TRHDE: variants seen among roughly 807,000 people sequenced by gnomAD.
TRHDE encodes the protein thyrotropin-releasing hormone-degrading ectoenzyme.
TRHDE carries 72 observed loss-of-function variants against 125.7 expected under a neutral mutation model. The ratio of observed to expected loss-of-function variants is 0.57; its 90% CI spans 0.47 to 0.70. The LOEUF is 0.70. Among genes scored for constraint, TRHDE ranks in the 30% least tolerant of loss-of-function variants. The pLI is 0.00. For synonymous variants in TRHDE, 509 were observed against 509.1 expected, an observed-to-expected ratio of 1.00 and a Z score of 0.00; for missense variants, 1,110 against 1,327.1, an observed-to-expected ratio of 0.84 and a Z score of 2.54.
chr12:72,204,895 G>A (rs145227644), intron 2 of TRHDE, among the ~76,000 whole-genome samples: 11 of 152,190 alleles, frequency 7.2e-5, no homozygotes, highest in Non-Finnish European at 1.3e-4. Flanking sequence ...AAGTTTAAAG[G>A]CAAAAAGGTC....
intron 3 of TRHDE, among the ~76,000 whole-genome samples, chr12:72,452,842 CA>C (rs1875647532): frequency 6.6e-6 from 1 of 152,086 alleles, no homozygotes; most frequent in African/African-American, 2.4e-5. Context: ...CCCCCTTTGC[CA>C]TGATTGTAAT....
At chr12:72,347,059 A>G (rs1395777123) in intron 2 of TRHDE, among the ~76,000 whole-genome samples, 2 of 152,102 alleles carry the variant, frequency 1.3e-5, no homozygotes. Flanking sequence ...ATACTGGATT[A>G]GGGGCCCAGC....
At chr12:72,553,720 C>G (rs1393116721) in intron 7 of TRHDE, among the ~76,000 whole-genome samples, 1 of 151,968 alleles carries the variant, frequency 6.6e-6, no homozygotes, top group African/African-American at 2.4e-5. Context: ...TTTTCTTTTT[C>G]TACCGCTCCA....
At chr12:72,237,609 G>A (rs1486962697) in intron 2 of TRHDE, among the ~76,000 whole-genome samples, 1 of 152,102 alleles carries the variant, frequency 6.6e-6, no homozygotes, top group Non-Finnish European at 1.5e-5. Context: ...GAGATCTGAT[G>A]GTTTAAAAAT....
chr12:72,492,209 C>T (rs569199226), intron 5 of TRHDE, among the ~76,000 whole-genome samples: 2 of 151,956 alleles, frequency 1.3e-5, no homozygotes, highest in African/African-American at 4.8e-5. Context: ...ATGGAAGCAA[C>T]ATTTATTTTC....
At chr12:72,458,809 G>T (rs1159858911) in intron 3 of TRHDE, among the ~76,000 whole-genome samples, 1 of 152,036 alleles carries the variant, frequency 6.6e-6, no homozygotes, top group Non-Finnish European at 1.5e-5. Context: ...TGACTCAACA[G>T]ATCCCATAAT....
Position 72,132,886 on chromosome 12 carries a change from C to T in TRHDE, n.279+27134C>T, listed in dbSNP as rs539670633. On this transcript the variant is annotated intron_variant and non_coding_transcript_variant, in intron 2 of 4. Transcript: ENST00000548156. ...AAGTGAAATTTTGTAGAAAAGGGGA[C>T]CTGCGACCTGGATCTTGATGAGGAG... Among the ~76,000 whole-genome samples the T allele has an allele frequency of 3.3e-5, 5 of 151,922 alleles. No individual in the cohort carries two copies. The South Asian group carries it at 8.3e-4, about 25-fold the overall frequency.
chr12:72,385,168 ATAGTTTGG>A (rs1482372262), intron 3 of TRHDE, among the ~76,000 whole-genome samples: 1 of 152,088 alleles, frequency 6.6e-6, no homozygotes, highest in African/African-American at 2.4e-5. Context: ...TTCTTTATAT[ATAGTTTGG>A]TAGTTTGGTC....
intron 1 of TRHDE, among the ~76,000 whole-genome samples, chr12:72,098,909 T>C (rs1405285075): frequency 1.3e-5 from 2 of 152,202 alleles, no homozygotes; most frequent in East Asian, 3.9e-4. Context: ...CTCACGTCTG[T>C]AATTCTAGCA....
upstream of TRHDE, among the ~76,000 whole-genome samples, chr12:72,270,084 C>T (rs545398471): frequency 6.6e-6 from 1 of 152,276 alleles, no homozygotes; most frequent in Admixed American, 6.5e-5. Context: ...GATCGCAGGG[C>T]TCCTCTTACT....
At chr12:72,158,736 G>C (rs1414442644) in intron 2 of TRHDE, among the ~76,000 whole-genome samples, 1 of 152,052 alleles carries the variant, frequency 6.6e-6, no homozygotes, top group African/African-American at 2.4e-5. Context: ...CCTCTGTTCT[G>C]TTTTGTTGGA....
At chr12:72,638,668 C>T (rs1873881656) in intron 15 of TRHDE, among the ~76,000 whole-genome samples, 1 of 151,880 alleles carries the variant, frequency 6.6e-6, no homozygotes, top group Non-Finnish European at 1.5e-5. Flanking sequence ...ATGTTTAGTG[C>T]TTCCTTCAGG....
intron 15 of TRHDE, among the ~76,000 whole-genome samples, chr12:72,639,799 C>A (rs964286520): frequency 2.0e-4 from 31 of 152,114 alleles, no homozygotes; most frequent in African/African-American, 7.5e-4. Context: ...GGGGTGCCTC[C>A]CATTTAGGCT....
At chr12:72,129,990 T>G (rs749032397) in intron 2 of TRHDE, among the ~76,000 whole-genome samples, 11 of 152,226 alleles carry the variant, frequency 7.2e-5, no homozygotes, top group Admixed American at 5.2e-4. Flanking sequence ...GATATAGTCA[T>G]TGTTAGAACA....
In TRHDE at chr12:72,273,647, T is replaced by C; in HGVS notation, c.914+90T>C. 1 of 1,309,328 alleles carries C rather than the reference T, an allele frequency of 7.6e-7. No individual in the cohort carries two copies. The highest frequency in any genetic ancestry group is 1.5e-5 in the African/African-American group (1 of 68,012). The allele number at this position is 1,309,328 out of a possible 1,614,324, so 81.1% of individuals were successfully genotyped here. The stretch of plus-strand genomic sequence containing the variant: ...CTGCGACCCCGGGGACCCAGCTGGC[T>C]TCCAATACCCGGGAAGCCAGGGGTG... On this transcript the variant is annotated intron_variant, in intron 1 of 18. Transcript: ENST00000261180. The surrounding 1 kb of genome is among the most constrained non-coding windows in gnomAD (Gnocchi z 5.3).
intron 2 of TRHDE, among the ~76,000 whole-genome samples, chr12:72,354,795 A>C (rs1592564616): frequency 6.6e-6 from 1 of 150,818 alleles, no homozygotes; most frequent in Admixed American, 6.6e-5. Flanking sequence ...GTATGTGTGT[A>C]TGTATGTGTA....
Position 72,386,368 on chromosome 12 carries a change from G to C in TRHDE, c.1315+8247G>C, listed in dbSNP as rs149522093. On this transcript the variant is annotated intron_variant, in intron 3 of 18. Transcript: ENST00000261180. The stretch of plus-strand genomic sequence containing the variant: ...GCATTAGCCTTTTTCCTTATACTCC[G>C]CTGTTTCCCCTATTACTATGGGTCA... Among the ~76,000 whole-genome samples, 874 of 152,046 alleles carry C rather than the reference G, an allele frequency of 5.7e-3. 3 individuals carry two copies. The highest frequency in any genetic ancestry group is 8.8e-3 in the Non-Finnish European group (597 of 67,968).
chr12:72,293,245 T>G (rs113279930), intron 2 of TRHDE, among the ~76,000 whole-genome samples: 8 of 152,126 alleles, frequency 5.3e-5, no homozygotes, highest in African/African-American at 1.9e-4. Flanking sequence ...ATTCTGGATA[T>G]TAGTTCTTTG....
chr12:72,579,119 T>A (rs1301908666), intron 12 of TRHDE, among the ~76,000 whole-genome samples: 4 of 151,976 alleles, frequency 2.6e-5, no homozygotes, highest in Admixed American at 6.6e-5. Flanking sequence ...GAGTCTTTTG[T>A]TGTGTATGTG....
Sources: gnomAD v4.1 joint callset for allele counts (sites outside exome capture counted in the v4.1 genomes callset) on GRCh38, gnomAD v4.1.1 for gene constraint, Gnocchi (gnomAD v3.1) non-coding constraint, MANE v1.5 for transcripts, NCBI Gene and HGNC (gene_info 2026-07-23, HGNC 2026-07-21) for gene names.